AVL9: variants seen among roughly 807,000 people sequenced by gnomAD.
AVL9 encodes the protein AVL9 cell migration associated, also known as late secretory pathway protein AVL9 homolog.
Under a neutral mutation model 79.2 loss-of-function variants are expected in AVL9, and 49 were observed. The observed-to-expected ratio is 0.62, with a 90% CI of 0.49 to 0.79. The LOEUF (loss-of-function observed/expected upper bound fraction) is 0.79. Ranked by LOEUF, AVL9 falls within the 30% of genes least tolerant of loss-of-function variation. The probability of loss-of-function intolerance (pLI) is 0.00; values close to 1 mark genes in which losing one functional copy is unlikely to be tolerated. For synonymous variants in AVL9, 299 were observed against 280.6 expected (o/e 1.07, Z -0.65); for missense variants, 682 against 776.8 (o/e 0.88, Z 1.45).
chr7:32,505,338 A>C (rs1043690545), intron 1 of AVL9, among the ~76,000 whole-genome samples: 24 of 151,712 alleles, frequency 1.6e-4, no homozygotes, highest in African/African-American at 4.4e-4. Context: ...AGCCTGGCCA[A>C]CATGGTGAAA....
Position 32,495,709 on chromosome 7 carries a change from C to A in AVL9, c.-1C>A. ...GTCGTGCGGGCCCGCGGCGGCCGCC[C>A]ATGGAGAAGGCCAGGAGAGGCGGGG... On this transcript the variant is annotated 5_prime_UTR_variant, in exon 1 of 16. Coordinates refer to ENST00000318709, the MANE Select transcript of AVL9 (RefSeq NM_015060.3). The A allele has an allele frequency of 8.0e-7, 1 of 1,256,994 alleles. No individual in the cohort carries two copies. The highest frequency in any genetic ancestry group is 1.0e-6 in the Non-Finnish European group (1 of 991,496). 77.9% of individuals were successfully genotyped at this position (1,256,994 alleles called of 1,614,324 possible). A position where few individuals can be genotyped will look rare whatever the true frequency, so the allele number is the denominator to read the frequency against.
At chr7:32,553,654 A>C (rs920221326) in intron 6 of AVL9, 73 bp from the exon 7 acceptor site, 3 of 1,030,144 alleles carry the variant, frequency 2.9e-6, no homozygotes, top group Admixed American at 4.4e-5. Flanking sequence ...CTTTCTGTTA[A>C]GGGGGAAATA....
At chr7:32,509,676 C>A (rs143421088) in intron 1 of AVL9, among the ~76,000 whole-genome samples, 1,655 of 152,086 alleles carry the variant, frequency 0.011, 34 homozygotes, top group African/African-American at 0.038. Context: ...ATAATGAAAC[C>A]CCATCTCTAC....
At chr7:32,556,089 C>T (rs1235413854) in intron 8 of AVL9, among the ~76,000 whole-genome samples, 2 of 151,890 alleles carry the variant, frequency 1.3e-5, no homozygotes, top group African/African-American at 4.8e-5. Flanking sequence ...AGCCTATGAT[C>T]CCATTTTATA....
In AVL9 at chr7:32,587,861, AAAAGG is replaced by A. The variant is rs1791864876; in HGVS notation, c.*3957_*3961del. 6.6e-6 allele frequency: 1 copy of A among 152,232 alleles called. No homozygotes were observed. The highest frequency in any genetic ancestry group is 1.5e-5 in the Non-Finnish European group (1 of 68,036). The allele number at this position is 152,232 out of a possible 1,614,324, so 9.4% of individuals were successfully genotyped here. The stretch of plus-strand genomic sequence containing the variant: ...CCATAAATATTTGTCAAGGACAAAG[AAAAGG>A]AATGTGGATGTTTATTCTTTTCATA... On this transcript the variant is annotated 3_prime_UTR_variant, in exon 16 of 16. Transcript: ENST00000318709.
intron 6 of AVL9, among the ~76,000 whole-genome samples, 194 bp from the exon 7 acceptor site, chr7:32,553,533 G>A (rs1215053902): frequency 6.6e-6 from 1 of 152,040 alleles, no homozygotes; most frequent in East Asian, 1.9e-4. Context: ...TTTCATCCTT[G>A]CAGAAAGTTG....
At chr7:32,580,389 C>T (rs2128156818) in intron 14 of AVL9, 117 bp downstream of exon 14, 1 of 774,870 alleles carries the variant, frequency 1.3e-6, no homozygotes, top group Non-Finnish European at 2.1e-6. Flanking sequence ...CAAATAGTAA[C>T]CAAATATGTG....
Position 32,570,084 on chromosome 7 carries a change from G to A in AVL9, c.1280G>A (p.Arg427Gln), listed in dbSNP as rs373481108. ...CATCTTCTCTCCGATGTCACCGTTC[G>A]GGGGTTTGTTGCTGGAGCTACTAAC... ...QHHLLSDVTV[R>Q]GFVAGATNIL... Residue 427 changes from arginine (R) to glutamine (Q), a missense_variant, in exon 11 of 16, where the codon CGG (arginine) becomes CAG (glutamine). Physicochemically the swap from Arg to Gln is conservative, Grantham distance 43. Coordinates refer to ENST00000318709, the MANE Select transcript of AVL9 (RefSeq NM_015060.3). 5.6e-6 allele frequency: 9 copies of A among 1,613,980 alleles called. No individual in the cohort carries two copies. Among genetic ancestry groups the A allele is most frequent in the East Asian group, 4.5e-5 (2 of 44,892 alleles).
intron 1 of AVL9, among the ~76,000 whole-genome samples, chr7:32,516,316 T>G (rs1160222961): frequency 6.6e-6 from 1 of 152,060 alleles, no homozygotes; most frequent in African/African-American, 2.4e-5. Flanking sequence ...GGAAGTTGTT[T>G]AGGATCCTAA....
intron 1 of AVL9, among the ~76,000 whole-genome samples, chr7:32,527,418 A>G (rs370214042): frequency 8.5e-5 from 13 of 152,210 alleles, no homozygotes; most frequent in African/African-American, 2.9e-4. Context: ...GACAATGCTT[A>G]TGTTTTGTAT....
chr7:32,537,381 T>G (rs1009592181), intron 1 of AVL9: 14 of 152,110 alleles, frequency 9.2e-5, no homozygotes, highest in African/African-American at 2.9e-4. Context: ...TAGTATAATG[T>G]TTTAAAAAAC....
intron 8 of AVL9, among the ~76,000 whole-genome samples, chr7:32,556,519 A>AAATAAATAAATGAATG (rs111960786): frequency 4.7e-5 from 7 of 149,458 alleles, no homozygotes; most frequent in African/African-American, 9.9e-5. Context: ...ATCTCAAAGT[A>AAATAAATAAATGAATG]AATGAATGAA....
chr7:32,503,140 C>G (rs1275922268), intron 1 of AVL9, among the ~76,000 whole-genome samples: 1 of 151,494 alleles, frequency 6.6e-6, no homozygotes, highest in East Asian at 1.9e-4. Context: ...ATTAAGTTGT[C>G]AGAAGTGTGA....
intron 1 of AVL9, among the ~76,000 whole-genome samples, chr7:32,515,081 A>T (rs767275512): frequency 1.3e-5 from 2 of 152,158 alleles, no homozygotes; most frequent in Non-Finnish European, 2.9e-5. Flanking sequence ...TAACAATCTG[A>T]TCTCTCTTTG....
At chr7:32,524,847 G>A (rs1324414106) in intron 1 of AVL9, among the ~76,000 whole-genome samples, 1 of 152,102 alleles carries the variant, frequency 6.6e-6, no homozygotes, top group African/African-American at 2.4e-5. Flanking sequence ...CCACTTGAGG[G>A]GCATGTACTG....
chr7:32,526,478 T>C lies in AVL9; in HGVS notation c.94-16663T>C, dbSNP rs1788405008. On this transcript the variant is annotated intron_variant, in intron 1 of 15. Coordinates refer to ENST00000318709, the MANE Select transcript of AVL9 (RefSeq NM_015060.3). ...AAGGGTAAGGACCTCTCAAAAATCCTGAGGCCTTTTATAAACCAGTTTGCA... is the reference window on the plus strand; with the variant it reads ...AAGGGTAAGGACCTCTCAAAAATCCCGAGGCCTTTTATAAACCAGTTTGCA... 2.0e-5 allele frequency among the ~76,000 whole-genome samples: 3 copies of C among 152,286 alleles called. No individual in the cohort carries two copies. The South Asian group carries it at 6.2e-4, about 32-fold the overall frequency.
chr7:32,534,056 CTA>C (rs1788785930), intron 1 of AVL9: 2 of 152,206 alleles, frequency 1.3e-5, no homozygotes, highest in African/African-American at 2.4e-5. Context: ...GGTTTATAAA[CTA>C]TGACAAAGCA....
At chr7:32,558,078 T>A (rs774111099) in intron 8 of AVL9, among the ~76,000 whole-genome samples, 36 of 151,254 alleles carry the variant, frequency 2.4e-4, no homozygotes, top group Admixed American at 7.9e-4. Flanking sequence ...CTGGTCTCGA[T>A]CTCCTGACCT....
At chr7:32,543,286 T>G (rs1789303492) in intron 2 of AVL9, 25 bp downstream of exon 2, 1 of 1,602,690 alleles carries the variant, frequency 6.2e-7, no homozygotes, top group Non-Finnish European at 8.5e-7. Flanking sequence ...AGTGAAGCAG[T>G]TAGGTGCCAT....
Sources: gnomAD v4.1 joint callset for allele counts (sites outside exome capture counted in the v4.1 genomes callset) on GRCh38, gnomAD v4.1.1 for gene constraint, MANE v1.5 for transcripts, NCBI Gene and HGNC (gene_info 2026-07-23, HGNC 2026-07-21) for gene names.